MDGA2: variants seen among roughly 807,000 people sequenced by gnomAD.
MDGA2 encodes MAM domain containing glycosylphosphatidylinositol anchor 2, also known as MAM domain-containing glycosylphosphatidylinositol anchor protein 2.
A neutral mutation model predicts 117.8 loss-of-function variants in MDGA2; 40 were observed. The ratio of observed to expected loss-of-function variants is 0.34; its 90% CI spans 0.26 to 0.44. The LOEUF (loss-of-function observed/expected upper bound fraction) is 0.44, where lower values mean the gene tolerates loss of function less well. MDGA2 is among the 20% of genes least tolerant of loss of function. The pLI, the probability that MDGA2 is intolerant of heterozygous loss-of-function variation, is 1.00. For synonymous variants in MDGA2, 452 were observed against 439.0 expected (o/e 1.03, Z -0.37); for missense variants, 1,123 against 1,250.6 (o/e 0.90, Z 1.54).
intron 14 of MDGA2, among the ~76,000 whole-genome samples, chr14:46,859,955 G>A (rs1270629288): frequency 3.3e-5 from 5 of 151,986 alleles, no homozygotes; most frequent in Non-Finnish European, 5.9e-5. Context: ...TAACATTTTG[G>A]TGTATGTTGC....
At chr14:46,845,101 T>C (rs1235313969) in intron 16 of MDGA2, among the ~76,000 whole-genome samples, 1 of 152,214 alleles carries the variant, frequency 6.6e-6, no homozygotes, top group Admixed American at 6.5e-5. Context: ...GCCAGGATGG[T>C]CTTGATCTCC....
chr14:47,003,540 G>A (rs1299709762), intron 8 of MDGA2, among the ~76,000 whole-genome samples: 1 of 151,960 alleles, frequency 6.6e-6, no homozygotes, highest in Non-Finnish European at 1.5e-5. Context: ...ACTGTGGTTT[G>A]AATTGCATTT....
intron 2 of MDGA2, among the ~76,000 whole-genome samples, chr14:47,237,625 G>C (rs144862323): frequency 0.011 from 1,705 of 152,206 alleles, 21 homozygotes; most frequent in Middle Eastern, 0.02. Context: ...GGATGTCGAA[G>C]TGTACTGTCA....
At chr14:47,659,373 C>T (rs1490717604) in intron 1 of MDGA2, among the ~76,000 whole-genome samples, 1 of 152,166 alleles carries the variant, frequency 6.6e-6, no homozygotes, top group Non-Finnish European at 1.5e-5. Flanking sequence ...AGGGTGACAG[C>T]TATGTAAAAT....
intron 3 of MDGA2, among the ~76,000 whole-genome samples, chr14:47,177,140 G>A (rs1884494364): frequency 6.6e-6 from 1 of 152,114 alleles, no homozygotes; most frequent in Non-Finnish European, 1.5e-5. Context: ...GTCATTAAAA[G>A]TCAGGAAACA....
chr14:47,437,055 C>T lies in MDGA2; in HGVS notation c.281-135505G>A, dbSNP rs574560584. ...TACTTAAAGAGCAGGCACATTACTT[C>T]ATTCTTTTTAGCCTAGAATTGTACT... On this transcript the variant is annotated intron_variant, in intron 1 of 16. Coordinates refer to ENST00000399232, the MANE Select transcript of MDGA2 (RefSeq NM_001113498.3). Among the ~76,000 whole-genome samples the T allele has an allele frequency of 2.0e-5, 3 of 152,178 alleles. No homozygotes were observed. The South Asian group carries it at 6.2e-4, about 32-fold the overall frequency.
At chr14:47,183,459 T>C (rs906257673) in intron 3 of MDGA2, among the ~76,000 whole-genome samples, 4 of 152,142 alleles carry the variant, frequency 2.6e-5, no homozygotes, top group Non-Finnish European at 4.4e-5. Flanking sequence ...AATGTTCATA[T>C]GTTTTAATGA....
At chr14:47,095,351 A>G (rs1879900141) in intron 6 of MDGA2, among the ~76,000 whole-genome samples, 1 of 151,990 alleles carries the variant, frequency 6.6e-6, no homozygotes, top group Non-Finnish European at 1.5e-5. Flanking sequence ...ATGACACAAG[A>G]ACAATATCGT....
intron 1 of MDGA2, among the ~76,000 whole-genome samples, chr14:47,660,040 T>A (rs1471558284): frequency 6.6e-6 from 1 of 152,184 alleles, no homozygotes; most frequent in South Asian, 2.1e-4. Context: ...TGCTTCTCCA[T>A]GCTTTTTTTT....
chr14:47,116,040 ACT>A, intron 5 of MDGA2, among the ~76,000 whole-genome samples: 1 of 151,980 alleles, frequency 6.6e-6, no homozygotes, highest in East Asian at 1.9e-4. Flanking sequence ...AGCCCTAAAA[ACT>A]CTATGAAAAA....
At chr14:47,164,947 T>G (rs1373807817) in intron 3 of MDGA2, among the ~76,000 whole-genome samples, 4 of 152,210 alleles carry the variant, frequency 2.6e-5, no homozygotes, top group Admixed American at 2.0e-4. Context: ...TCCTGTCCTT[T>G]GTAGGGACTT....
chr14:46,960,717 AAT>A (rs570837196), intron 8 of MDGA2, among the ~76,000 whole-genome samples: 157 of 146,436 alleles, frequency 1.1e-3, no homozygotes, highest in Middle Eastern at 6.8e-3. Context: ...ATGTACATGA[AAT>A]ATAATTTTCA....
intron 1 of MDGA2, among the ~76,000 whole-genome samples, chr14:47,622,664 A>G (rs1467290233): frequency 6.6e-6 from 1 of 152,206 alleles, no homozygotes; most frequent in Non-Finnish European, 1.5e-5. Context: ...TGCAGCCACT[A>G]CAGAAAATAA....
Position 46,845,622 on chromosome 14 carries a change from A to C in MDGA2, c.2989+144T>G, listed in dbSNP as rs546724193. The C allele has an allele frequency of 2.1e-3, 1,030 of 494,018 alleles. 3 individuals carry two copies. The highest frequency in any genetic ancestry group is 2.7e-3 in the Non-Finnish European group (770 of 280,412). 30.6% of individuals were successfully genotyped at this position (494,018 alleles called of 1,614,324 possible). ...TTAATACTTTAAAAATAACTGAACA[A>C]ACTTTAGGGTATTACATATAAGAAA... On this transcript the variant is annotated intron_variant, in intron 16 of 16. Transcript: ENST00000399232.
chr14:47,316,081 T>A (rs1282039660), intron 1 of MDGA2, among the ~76,000 whole-genome samples: 2 of 152,114 alleles, frequency 1.3e-5, no homozygotes, highest in Admixed American at 6.6e-5. Context: ...TAATCTAAGG[T>A]AATCTCCTTT....
intron 6 of MDGA2, among the ~76,000 whole-genome samples, chr14:47,071,882 C>A (rs1156503456): frequency 6.6e-6 from 1 of 152,008 alleles, no homozygotes; most frequent in East Asian, 1.9e-4. Context: ...GTGATCATAA[C>A]AATAAAATTC....
At chr14:47,365,710 G>C (rs1891217396) in intron 1 of MDGA2, among the ~76,000 whole-genome samples, 1 of 152,184 alleles carries the variant, frequency 6.6e-6, no homozygotes, top group Non-Finnish European at 1.5e-5. Flanking sequence ...TATTTAGAGA[G>C]GAAATCCAGA....
At chr14:47,656,269 C>A (rs1359956431) in intron 1 of MDGA2, among the ~76,000 whole-genome samples, 1 of 152,168 alleles carries the variant, frequency 6.6e-6, no homozygotes, top group Non-Finnish European at 1.5e-5. Context: ...GCAGAAATGG[C>A]AAACCCCTAC....
chr14:47,330,261 G>C (rs934112987), intron 1 of MDGA2, among the ~76,000 whole-genome samples: 1 of 151,822 alleles, frequency 6.6e-6, no homozygotes, highest in African/African-American at 2.4e-5. Flanking sequence ...ATCTAAAGCT[G>C]ATACACATTT....
Sources: allele counts gnomAD v4.1 joint callset (sites outside exome capture counted in the v4.1 genomes callset), GRCh38; gene constraint gnomAD v4.1.1; transcripts MANE v1.5; gene names NCBI Gene and HGNC (gene_info 2026-07-23, HGNC 2026-07-21).